PDE1A: variants seen among roughly 807,000 people sequenced by gnomAD.
PDE1A encodes the protein phosphodiesterase 1A, also known as dual specificity calcium/calmodulin-dependent 3',5'-cyclic nucleotide phosphodiesterase 1A.
Under a neutral mutation model 61.7 loss-of-function variants are expected in PDE1A, and 35 were observed. That is an observed-to-expected ratio of 0.57 (90% CI 0.43 to 0.75). The LOEUF is 0.75. PDE1A is among the 30% of genes least tolerant of loss of function. The pLI, the probability that PDE1A is intolerant of heterozygous loss-of-function variation, is 0.00. For missense variants in PDE1A, 597 were observed against 630.6 expected, an observed-to-expected ratio of 0.95 and a Z score of 0.57; for synonymous variants, 232 against 213.2, an observed-to-expected ratio of 1.09 and a Z score of -0.77.
At chr2:182,365,429 T>C (rs1481790337) in intron 1 of PDE1A, among the ~76,000 whole-genome samples, 2 of 152,020 alleles carry the variant, frequency 1.3e-5, no homozygotes. Context: ...CCCTATACAC[T>C]TAACTTAGCT....
At chr2:182,702,827 G>A in the PDE1A span, among the ~76,000 whole-genome samples, 1 of 152,128 alleles carries the variant, frequency 6.6e-6, no homozygotes, top group Admixed American at 6.5e-5. Context: ...TGGTATGATT[G>A]GGTTAAATTC....
At chr2:182,216,161 A>T (rs1418684015) in intron 7 of PDE1A, among the ~76,000 whole-genome samples, 1 of 81,306 alleles carries the variant, frequency 1.2e-5, no homozygotes, top group African/African-American at 4.5e-5. Flanking sequence ...GCCAAAGACA[A>T]AAACCACATG....
At chr2:182,696,333 G>A in the PDE1A span, among the ~76,000 whole-genome samples, 1 of 152,118 alleles carries the variant, frequency 6.6e-6, no homozygotes, top group African/African-American at 2.4e-5. Flanking sequence ...AAACTTAAAT[G>A]TACATTACTA....
At chr2:182,504,757 GAATA>G (rs985664533) in intron 2 of PDE1A, among the ~76,000 whole-genome samples, 4 of 152,162 alleles carry the variant, frequency 2.6e-5, no homozygotes, top group Non-Finnish European at 4.4e-5. Context: ...TCACATGATA[GAATA>G]AATAAAGTCT....
At chr2:182,654,179 G>A in the PDE1A span, among the ~76,000 whole-genome samples, 2 of 152,144 alleles carry the variant, frequency 1.3e-5, no homozygotes, top group African/African-American at 4.8e-5. Flanking sequence ...AAGTACCAGA[G>A]GCTATATTAG....
At position 182,172,460 on chromosome 2, in the gene PDE1A, T is replaced by C. The variant is rs201216273; in HGVS notation, c.1517-4170A>G. Among the ~76,000 whole-genome samples the C allele has an allele frequency of 2.0e-5, 3 of 152,042 alleles. No homozygotes were observed. In the East Asian group the frequency reaches 5.8e-4, roughly 29 times the overall value. ...ACATTTGTAACATACTCCAATCATA[T>C]CTCATAATACACAGTGGTTCTCATT... is the stretch of plus-strand genomic sequence containing the variant. On this transcript the variant is annotated intron_variant, in intron 13 of 13. Transcript: ENST00000351439.
At chr2:182,561,315 C>G in the PDE1A span, among the ~76,000 whole-genome samples, 2 of 152,226 alleles carry the variant, frequency 1.3e-5, no homozygotes, top group African/African-American at 4.8e-5. Flanking sequence ...AATAGGGAAT[C>G]CTTTCCCCAT....
At chr2:182,564,464 C>T in the PDE1A span, among the ~76,000 whole-genome samples, 4 of 152,146 alleles carry the variant, frequency 2.6e-5, no homozygotes, top group African/African-American at 9.7e-5. Flanking sequence ...GTAACCCGAC[C>T]TTTCTCTCTG....
At chr2:182,348,019 C>A (rs1451882811) in intron 1 of PDE1A, among the ~76,000 whole-genome samples, 1 of 152,086 alleles carries the variant, frequency 6.6e-6, no homozygotes, top group Non-Finnish European at 1.5e-5. Flanking sequence ...ACATTTAAGT[C>A]AATTACCCTC....
intron 1 of PDE1A, among the ~76,000 whole-genome samples, chr2:182,293,020 C>A (rs1694640339): frequency 6.6e-6 from 1 of 152,054 alleles, no homozygotes; most frequent in African/African-American, 2.4e-5. Flanking sequence ...GAAAGGGATA[C>A]ATCTTGAGTG....
chr2:182,484,749 A>G (rs988477860), intron 2 of PDE1A, among the ~76,000 whole-genome samples: 1 of 152,136 alleles, frequency 6.6e-6, no homozygotes, highest in Admixed American at 6.6e-5. Context: ...TGCAGCCAAC[A>G]AGCATGTGAA....
chr2:182,283,617 T>C (rs1426324870), intron 1 of PDE1A, among the ~76,000 whole-genome samples: 5 of 152,210 alleles, frequency 3.3e-5, no homozygotes, highest in Admixed American at 2.6e-4. Context: ...AGTTAAATCT[T>C]GAGTTTTACA....
At chr2:182,435,633 T>G (rs1317754787) in intron 2 of PDE1A, among the ~76,000 whole-genome samples, 1 of 152,058 alleles carries the variant, frequency 6.6e-6, no homozygotes. Context: ...TCCCCAAACA[T>G]GCCAAAAATA....
At chr2:182,615,092 C>A in the PDE1A span, among the ~76,000 whole-genome samples, 1 of 152,060 alleles carries the variant, frequency 6.6e-6, no homozygotes, top group South Asian at 2.1e-4. Flanking sequence ...CAAATGCATG[C>A]CATTTTCACC....
At chr2:182,170,144 TA>T (rs1386690717) in intron 13 of PDE1A, among the ~76,000 whole-genome samples, 1 of 152,062 alleles carries the variant, frequency 6.6e-6, no homozygotes, top group Admixed American at 6.6e-5. Flanking sequence ...TGATACAGGT[TA>T]CTGGTTTTGA....
the PDE1A span, among the ~76,000 whole-genome samples, chr2:182,660,402 C>A: frequency 6.6e-6 from 1 of 152,184 alleles, no homozygotes; most frequent in Admixed American, 6.5e-5. Context: ...CATTGCCCCT[C>A]ATCCTGTATA....
chr2:182,689,994 T>C, the PDE1A span, among the ~76,000 whole-genome samples: 1 of 152,074 alleles, frequency 6.6e-6, no homozygotes, highest in Admixed American at 6.6e-5. Flanking sequence ...AAGTAGAATC[T>C]CGTAATAGAC....
At chr2:182,601,757 T>A in the PDE1A span, among the ~76,000 whole-genome samples, 2 of 152,146 alleles carry the variant, frequency 1.3e-5, no homozygotes, top group Non-Finnish European at 2.9e-5. Context: ...GCCCATGCCA[T>A]CCTCTCTGCA....
chr2:182,317,618 G>A (rs1696426020), intron 1 of PDE1A, among the ~76,000 whole-genome samples: 1 of 151,912 alleles, frequency 6.6e-6, no homozygotes, highest in African/African-American at 2.4e-5. Context: ...GTGTCCGAAA[G>A]CCTGAAGGTA....
Sources: gnomAD v4.1 joint callset for allele counts (sites outside exome capture counted in the v4.1 genomes callset) on GRCh38, gnomAD v4.1.1 for gene constraint, MANE v1.5 for transcripts, NCBI Gene and HGNC (gene_info 2026-07-23, HGNC 2026-07-21) for gene names.